The following MYPN variants were observed in gnomAD, a reference collection of about 807,000 sequenced individuals.
MYPN encodes sarcomeric protein myopalladin, 145 kDa (MYOP).
In MYPN, 63 loss-of-function variants were observed where a neutral mutation model predicts 129.4. The ratio of observed to expected loss-of-function variants is 0.49; its 90% CI spans 0.40 to 0.60. The LOEUF is 0.60. Ranked by LOEUF, MYPN falls within the 20% of genes least tolerant of loss-of-function variation. MYPN has a pLI of 0.00. For missense variants in MYPN, 1,596 were observed against 1,635.4 expected (o/e 0.98, Z 0.42); for synonymous variants, 629 against 600.9 (o/e 1.05, Z -0.68).
intron 2 of MYPN, among the ~76,000 whole-genome samples, chr10:68,137,202 A>G (rs189080674): frequency 1.3e-5 from 2 of 152,296 alleles, no homozygotes; most frequent in East Asian, 1.9e-4. Context: ...ATTGTTTTTC[A>G]TTGTTCGCAT....
rs2042243843 is a variant in MYPN at position 68,121,625 on chromosome 10, C to T, written c.187C>T (p.Leu63Phe). ...GGGGQDDLPD[L>F]SAFLSQEELD... is the part of the protein sequence containing the mutation. The stretch of plus-strand genomic sequence containing the variant: ...CGGAGGCCAAGATGACCTTCCAGAT[C>T]TTTCAGCCTTTCTGAGCCAAGAAGA... Residue 63 changes from leucine (L) to phenylalanine (F), a missense_variant, in exon 2 of 20, where the codon CTT becomes TTT. Transcript: ENST00000358913. 1 of 1,614,126 alleles carries T rather than the reference C, an allele frequency of 6.2e-7. No homozygotes were observed. The highest frequency in any genetic ancestry group is 1.7e-5 in the Admixed American group (1 of 60,004).
chr10:68,155,505 G>C (rs1171867953), intron 6 of MYPN, among the ~76,000 whole-genome samples: 1 of 152,164 alleles, frequency 6.6e-6, no homozygotes, highest in Admixed American at 6.5e-5. Context: ...TCCTAGAAAA[G>C]ACTAACTTAA....
chr10:68,115,469 G>T (rs962225534), intron 1 of MYPN, among the ~76,000 whole-genome samples: 1 of 151,994 alleles, frequency 6.6e-6, no homozygotes, highest in Non-Finnish European at 1.5e-5. Context: ...TCAGCAAACC[G>T]CATTGGCTCT....
At position 68,182,221 on chromosome 10, in the gene MYPN, T is replaced by A. The variant is rs560660059; in HGVS notation, c.2704-6684T>A. On this transcript the variant is annotated intron_variant, in intron 12 of 19. Coordinates refer to ENST00000358913, the MANE Select transcript of MYPN (RefSeq NM_032578.4). The stretch of plus-strand genomic sequence containing the variant: ...TGGTTACTAATGTTATATATATATA[T>A]AACACATATATATATAACATATATA... Among the ~76,000 whole-genome samples, 41 of 141,098 alleles carry A rather than the reference T, an allele frequency of 2.9e-4. 1 individual carries two copies. The highest frequency in any genetic ancestry group is 1.1e-3 in the African/African-American group (40 of 37,270). The allele number at this position is 141,098 out of a possible 152,430, so 92.6% of individuals were successfully genotyped here. A position where few individuals can be genotyped will look rare whatever the true frequency, so the allele number is the denominator to read the frequency against.
chr10:68,117,900 C>G (rs989186494), intron 1 of MYPN, among the ~76,000 whole-genome samples: 1 of 151,946 alleles, frequency 6.6e-6, no homozygotes, highest in Non-Finnish European at 1.5e-5. Context: ...ACTATTATAT[C>G]TGTTTTACAG....
In MYPN at chr10:68,174,553, A is replaced by G. The variant is rs766742025; in HGVS notation, c.2461A>G (p.Ser821Gly). ...GTCCCCAATTCCTGTCTCTCCTACC[A>G]GCCGGATTCAGAACCCAGTGGCTTT... ...CVSPIPVSPTSRIQNPVAFLS... is the reference protein window; with the variant it reads ...CVSPIPVSPTGRIQNPVAFLS... The change falls in exon 11 of 20, where the codon AGC becomes GGC. Residue 821 changes from serine to glycine, a missense_variant. Transcript: ENST00000358913. The G allele has an allele frequency of 3.7e-6, 6 of 1,613,968 alleles. No homozygotes were observed. The East Asian group carries it at 1.1e-4, about 30-fold the overall frequency.
chr10:68,108,682 C>A (rs1215629083), upstream of MYPN, among the ~76,000 whole-genome samples: 1 of 152,028 alleles, frequency 6.6e-6, no homozygotes, highest in Non-Finnish European at 1.5e-5. Flanking sequence ...ACTAAGCAAT[C>A]AGGTTAACTT....
At chr10:68,119,201 A>G (rs1471165253) in intron 1 of MYPN, among the ~76,000 whole-genome samples, 2 of 152,138 alleles carry the variant, frequency 1.3e-5, no homozygotes, top group Non-Finnish European at 2.9e-5. Context: ...ATACTTTCAT[A>G]TACTATTTTG....
intron 10 of MYPN, among the ~76,000 whole-genome samples, chr10:68,173,023 A>G (rs1172011785): frequency 6.6e-6 from 1 of 152,172 alleles, no homozygotes; most frequent in Non-Finnish European, 1.5e-5. Flanking sequence ...CAGTGAGCCA[A>G]GATCGCACTA....
chr10:68,148,210 GGTCAAC>G (rs2042702107), intron 4 of MYPN, 137 bp from the exon 5 acceptor site: 4 of 710,192 alleles, frequency 5.6e-6, no homozygotes, highest in Non-Finnish European at 9.8e-6. Context: ...AAATGCCCTT[GGTCAAC>G]GTTTGTAAAA....
rs1024677243 is a variant in MYPN, at chr10:68,182,415, A to C, written c.2704-6490A>C. Among the ~76,000 whole-genome samples, 40 of 58,168 alleles carry C rather than the reference A, an allele frequency of 6.9e-4. 1 individual carries two copies. The highest frequency in any genetic ancestry group is 1.3e-3 in the African/African-American group (36 of 27,960). The allele number at this position is 58,168 out of a possible 152,430, so 38.2% of individuals were successfully genotyped here. A position where few individuals can be genotyped will look rare whatever the true frequency, so the allele number is the denominator to read the frequency against. On this transcript the variant is annotated intron_variant, in intron 12 of 19. Transcript: ENST00000358913. ...TAACATATATATAACACATATATAT[A>C]ACATATATATAACACATATATATAA...
chr10:68,145,505 C>G lies in MYPN; in HGVS notation c.1109C>G (p.Pro370Arg). 1 of 1,613,260 alleles carries G rather than the reference C, an allele frequency of 6.2e-7. No individual in the cohort carries two copies. Among genetic ancestry groups the G allele is most frequent in the Non-Finnish European group, 8.5e-7 (1 of 1,179,524 alleles). Reference sequence around the variant, plus strand: ...TCTTCTTCTGACTCAGAAGGCGACCCTAACAAGGAAGAGATGAATCGGTAA... The same window carrying G: ...TCTTCTTCTGACTCAGAAGGCGACCGTAACAAGGAAGAGATGAATCGGTAA... ...GVSSSDSEGD[P>R]NKEEMNRIQK... Residue 370 changes from proline (P) to arginine (R), a missense_variant, in exon 4 of 20, where the codon CCT (proline) becomes CGT (arginine). Physicochemically the swap from Pro to Arg is moderately radical, Grantham distance 103. Coordinates refer to ENST00000358913, the MANE Select transcript of MYPN (RefSeq NM_032578.4).
intron 1 of MYPN, among the ~76,000 whole-genome samples, chr10:68,097,152 T>A (rs1044441741): frequency 8.5e-5 from 13 of 152,264 alleles, no homozygotes; most frequent in Non-Finnish European, 1.6e-4. Context: ...TGAAGCATTT[T>A]ACCTCTATGT....
intron 1 of MYPN, among the ~76,000 whole-genome samples, chr10:68,091,979 G>C (rs1373848428): frequency 6.6e-6 from 1 of 152,000 alleles, no homozygotes; most frequent in Non-Finnish European, 1.5e-5. Flanking sequence ...TGCTTTGGGA[G>C]GCCAAGGTGA....
At position 68,174,144 on chromosome 10, in the gene MYPN, T is replaced by C; in HGVS notation, c.2052T>C (p.Ser684=). ...QHQLQNPPPS[S]PKEFPFSMTV... is the part of the protein sequence containing the mutation. ...AATTGCAAAACCCACCTCCTTCATCTCCTAAGGAGTTTCCTTTCAGCATGA... is the reference window on the plus strand; with the variant it reads ...AATTGCAAAACCCACCTCCTTCATCCCCTAAGGAGTTTCCTTTCAGCATGA... Residue 684 remains serine, a synonymous_variant, in exon 11 of 20, where the codon TCT becomes TCC. Transcript: ENST00000358913. The C allele has an allele frequency of 6.2e-7, 1 of 1,613,942 alleles. No individual in the cohort carries two copies.
intron 2 of MYPN, among the ~76,000 whole-genome samples, chr10:68,131,970 G>A (rs778807523): frequency 6.6e-6 from 1 of 151,874 alleles, no homozygotes; most frequent in African/African-American, 2.4e-5. Flanking sequence ...TAGATTTTTG[G>A]GTGTGTTCTT....
chr10:68,198,523 C>T (rs776088744), intron 16 of MYPN, among the ~76,000 whole-genome samples: 1 of 152,222 alleles, frequency 6.6e-6, no homozygotes, highest in South Asian at 2.1e-4. Context: ...AAAGGGTCCA[C>T]TTCTATCTGT....
chr10:68,141,808 C>T (rs1016932262), intron 2 of MYPN, among the ~76,000 whole-genome samples: 1 of 152,112 alleles, frequency 6.6e-6, no homozygotes, highest in Non-Finnish European at 1.5e-5. Flanking sequence ...CCCGTAAACC[C>T]CATTTCTTAT....
intron 1 of MYPN, among the ~76,000 whole-genome samples, chr10:68,093,007 T>C (rs1331599906): frequency 6.6e-6 from 1 of 152,152 alleles, no homozygotes; most frequent in Non-Finnish European, 1.5e-5. Context: ...CACAAATCCA[T>C]GTGTACATCA....
Sources: gnomAD v4.1 joint callset for allele counts (sites outside exome capture counted in the v4.1 genomes callset) on GRCh38, gnomAD v4.1.1 for gene constraint, MANE v1.5 for transcripts, NCBI Gene and HGNC (gene_info 2026-07-23, HGNC 2026-07-21) for gene names.